TRAPPC10: variants seen among roughly 807,000 people sequenced by gnomAD.
TRAPPC10 encodes trafficking protein particle complex subunit 10, also known as TRAPP 130 kDa subunit.
Under a neutral mutation model 125.5 loss-of-function variants are expected in TRAPPC10, and 23 were observed. The observed-to-expected ratio is 0.18, with a 90% CI of 0.13 to 0.26. The LOEUF (loss-of-function observed/expected upper bound fraction) is 0.26, where lower values mean the gene tolerates loss of function less well. Among genes scored for constraint, TRAPPC10 ranks in the 10% least tolerant of loss-of-function variants. The pLI is 1.00. For synonymous variants in TRAPPC10, 509 were observed against 518.0 expected (o/e 0.98, Z 0.24); for missense variants, 1,123 against 1,308.4 (o/e 0.86, Z 2.19).
chr21:44,095,218 T>TTTTTA (rs1029353379), intron 20 of TRAPPC10, among the ~76,000 whole-genome samples: 15 of 150,426 alleles, frequency 1.0e-4, no homozygotes, highest in Admixed American at 4.0e-4. Flanking sequence ...TGGCTAATTA[T>TTTTTA]TTTTATTTTA....
chr21:44,038,307 C>G (rs914821331), intron 3 of TRAPPC10, among the ~76,000 whole-genome samples: 1 of 152,140 alleles, frequency 6.6e-6, no homozygotes, highest in East Asian at 1.9e-4. Flanking sequence ...AGCTGTCTCA[C>G]TGTGCCCCAC....
chr21:44,015,363 G>A (rs1409200222), intron 1 of TRAPPC10, among the ~76,000 whole-genome samples: 1 of 151,972 alleles, frequency 6.6e-6, no homozygotes, highest in Non-Finnish European at 1.5e-5. Flanking sequence ...AAAGATTAAG[G>A]GTAATTAGAA....
chr21:44,023,771 T>G (rs1241035433), intron 1 of TRAPPC10, among the ~76,000 whole-genome samples: 1 of 152,172 alleles, frequency 6.6e-6, no homozygotes, highest in African/African-American at 2.4e-5. Context: ...GTTTGTTTGT[T>G]TTTTGTTTTT....
At chr21:44,022,621 G>T (rs529527606) in intron 1 of TRAPPC10, among the ~76,000 whole-genome samples, 1 of 151,864 alleles carries the variant, frequency 6.6e-6, no homozygotes, top group African/African-American at 2.4e-5. Context: ...GGCCTAAAAC[G>T]TTTCTTAATA....
At position 44,075,225 on chromosome 21, in the gene TRAPPC10, A is replaced by T. The variant is rs1428837282; in HGVS notation, c.1300+72A>T. 4.4e-6 allele frequency: 5 copies of T among 1,134,388 alleles called. No homozygotes were observed. In the African/African-American group the frequency reaches 7.7e-5, roughly 18 times the overall value. 70.3% of individuals were successfully genotyped at this position (1,134,388 alleles called of 1,614,324 possible). A position where few individuals can be genotyped will look rare whatever the true frequency, so the allele number is the denominator to read the frequency against. On this transcript the variant is annotated intron_variant, in intron 9 of 22. Transcript: ENST00000291574. ...GAAAATGTCCTTTGCAAGTTGGCAC[A>T]TTTAACCGAAGTTCTAAGAGTAATC...
At chr21:44,028,054 T>C (rs766728614) in intron 1 of TRAPPC10, among the ~76,000 whole-genome samples, 7 of 152,328 alleles carry the variant, frequency 4.6e-5, no homozygotes, top group Middle Eastern at 6.8e-3. Context: ...TGTTACCTGT[T>C]ACACTAAATC....
At chr21:44,040,127 C>T (rs995823952) in intron 3 of TRAPPC10, among the ~76,000 whole-genome samples, 1 of 152,160 alleles carries the variant, frequency 6.6e-6, no homozygotes, top group Admixed American at 6.5e-5. Flanking sequence ...TTAACGTCTC[C>T]TTCAGCTTCA....
At position 44,059,817 on chromosome 21, in the gene TRAPPC10, T is replaced by C. The variant is rs1364558133; in HGVS notation, c.790+603T>C. 2.3e-5 allele frequency: 8 copies of C among 344,264 alleles called. No homozygotes were observed. The highest frequency in any genetic ancestry group is 4.3e-5 in the Admixed American group (1 of 23,174). 21.3% of individuals were successfully genotyped at this position (344,264 alleles called of 1,614,324 possible). A position where few individuals can be genotyped will look rare whatever the true frequency, so the allele number is the denominator to read the frequency against. ...GCTCCTTTTTGTTACTCACAGCCCATCCTGGGCATCTCTCCAGGTTAGCAG... is the reference window on the plus strand; with the variant it reads ...GCTCCTTTTTGTTACTCACAGCCCACCCTGGGCATCTCTCCAGGTTAGCAG... On this transcript the variant is annotated intron_variant, in intron 6 of 22. Transcript: ENST00000291574. This position sits in a 1 kb window ranked among gnomAD's most constrained non-coding sequence, Gnocchi z 4.4.
chr21:44,087,946 A>G lies in TRAPPC10; in HGVS notation c.2769+18A>G. 6.3e-7 allele frequency: 1 copy of G among 1,597,358 alleles called. No individual in the cohort carries two copies. The highest frequency in any genetic ancestry group is 8.6e-7 in the Non-Finnish European group (1 of 1,169,480). ...ACCACAAAGTGAGTAGGGACAGTGGAGGAGCTTAGCTTGTGGGGCGTCCGC... is the reference window on the plus strand; with the variant it reads ...ACCACAAAGTGAGTAGGGACAGTGGGGGAGCTTAGCTTGTGGGGCGTCCGC... On this transcript the variant is annotated intron_variant, in intron 17 of 22. Transcript: ENST00000291574. The surrounding 1 kb of genome is among the most constrained non-coding windows in gnomAD (Gnocchi z 4.6).
At chr21:44,051,804 G>A (rs980341378) in intron 3 of TRAPPC10, among the ~76,000 whole-genome samples, 4 of 152,324 alleles carry the variant, frequency 2.6e-5, no homozygotes, top group East Asian at 1.9e-4. Context: ...AGAAGCTGCC[G>A]GGAAGCTTGC....
At chr21:44,033,985 A>AC (rs1352325803) in intron 2 of TRAPPC10, among the ~76,000 whole-genome samples, 1 of 152,276 alleles carries the variant, frequency 6.6e-6, no homozygotes, top group East Asian at 1.9e-4. Context: ...AAAATGGACC[A>AC]AACAAATGCT....
At chr21:44,066,502 G>A (rs1456983294) in intron 7 of TRAPPC10, among the ~76,000 whole-genome samples, 1 of 152,242 alleles carries the variant, frequency 6.6e-6, no homozygotes, top group African/African-American at 2.4e-5. Flanking sequence ...GATCCTCCTT[G>A]ACAGAGTATT....
At chr21:44,022,226 A>T (rs950689650) in intron 1 of TRAPPC10, among the ~76,000 whole-genome samples, 1 of 149,450 alleles carries the variant, frequency 6.7e-6, no homozygotes, top group Admixed American at 6.7e-5. Flanking sequence ...CTTCTGCCTC[A>T]GCTTCCCAAG....
rs71197876 is a variant in TRAPPC10 at position 44,022,450 on chromosome 21, A to ATT, written c.68-9617_68-9616dup. ...AGGCGTGTGCCACCATGCCCAGCTA[A>ATT]TTTTTTTTTTTTTTTTTTTTTTTTT... On this transcript the variant is annotated intron_variant, in intron 1 of 22. Transcript: ENST00000291574. Among the ~76,000 whole-genome samples the ATT allele has an allele frequency of 2.4e-3, 230 of 96,948 alleles. 4 individuals carry two copies. The highest frequency in any genetic ancestry group is 0.011 in the Middle Eastern group (2 of 182). The allele number at this position is 96,948 out of a possible 152,430, so 63.6% of individuals were successfully genotyped here.
intron 20 of TRAPPC10, among the ~76,000 whole-genome samples, chr21:44,095,854 CG>C: frequency 6.6e-6 from 1 of 152,124 alleles, no homozygotes; most frequent in East Asian, 1.9e-4. Flanking sequence ...AAGCATGAGC[CG>C]CCGTGCCTGG....
At chr21:44,094,949 C>A (rs2038827183) in intron 20 of TRAPPC10, among the ~76,000 whole-genome samples, 1 of 151,312 alleles carries the variant, frequency 6.6e-6, no homozygotes, top group South Asian at 2.1e-4. Flanking sequence ...TTTTATATAA[C>A]TCTCCTTAAA....
chr21:44,064,889 A>G (rs1237563204), intron 7 of TRAPPC10, among the ~76,000 whole-genome samples: 1 of 152,180 alleles, frequency 6.6e-6, no homozygotes, highest in Non-Finnish European at 1.5e-5. Flanking sequence ...TAATGAAGCA[A>G]ATGAGGAAAA....
intron 14 of TRAPPC10, 123 bp downstream of exon 14, chr21:44,083,425 G>A (rs1198497005): frequency 6.3e-6 from 7 of 1,111,580 alleles, no homozygotes; most frequent in East Asian, 4.8e-5. Flanking sequence ...CCCTGTTTTT[G>A]TCTCTGTCCT....
chr21:44,024,973 C>T (rs1458347422), intron 1 of TRAPPC10, among the ~76,000 whole-genome samples: 2 of 152,210 alleles, frequency 1.3e-5, no homozygotes, highest in Non-Finnish European at 2.9e-5. Context: ...TTCCCCCGGA[C>T]TCCACTCCAC....
Sources: allele counts gnomAD v4.1 joint callset (sites outside exome capture counted in the v4.1 genomes callset), GRCh38; gene constraint gnomAD v4.1.1; non-coding constraint Gnocchi (gnomAD v3.1); transcripts MANE v1.5; gene names NCBI Gene and HGNC (gene_info 2026-07-23, HGNC 2026-07-21).